Variants in ITPR1 observed in about 807,000 individuals in gnomAD.
The protein encoded by ITPR1 is inositol 1,4,5-trisphosphate-gated calcium channel ITPR1.
In ITPR1, 96 loss-of-function variants were observed where a neutral mutation model predicts 318.4. That is an observed-to-expected ratio of 0.30 (90% CI 0.26 to 0.36). ITPR1 has a LOEUF of 0.36. Among genes scored for constraint, ITPR1 ranks in the 10% least tolerant of loss-of-function variants. The probability of loss-of-function intolerance (pLI) is 1.00; values close to 1 mark genes in which losing one functional copy is unlikely to be tolerated. For synonymous variants in ITPR1, 1,312 were observed against 1,289.9 expected (o/e 1.02, Z -0.37); for missense variants, 2,440 against 3,460.2 (o/e 0.71, Z 7.40).
intron 2 of ITPR1, among the ~76,000 whole-genome samples, chr3:4,506,003 A>T (rs750114294): frequency 6.6e-6 from 1 of 152,254 alleles, no homozygotes; most frequent in African/African-American, 2.4e-5. Context: ...AAGTAGAATT[A>T]TAACAGCCAA....
chr3:4,574,765 A>G (rs1176362608), intron 4 of ITPR1, among the ~76,000 whole-genome samples: 3 of 152,256 alleles, frequency 2.0e-5, no homozygotes, highest in Non-Finnish European at 4.4e-5. Flanking sequence ...TGATAATGTC[A>G]TGGGATTGGA....
intron 61 of ITPR1, among the ~76,000 whole-genome samples, chr3:4,839,123 T>A (rs1317051721): frequency 6.6e-6 from 1 of 152,002 alleles, no homozygotes; most frequent in African/African-American, 2.4e-5. Flanking sequence ...AGGTCAGGAG[T>A]TCGAGACCAG....
chr3:4,591,384 C>A (rs758291944), intron 4 of ITPR1, among the ~76,000 whole-genome samples: 38 of 152,162 alleles, frequency 2.5e-4, no homozygotes, highest in Non-Finnish European at 4.1e-4. Context: ...ACGTTGCCAG[C>A]ATCTGTTGTT....
chr3:4,529,429 G>A (rs988719422), intron 4 of ITPR1, among the ~76,000 whole-genome samples: 5 of 152,210 alleles, frequency 3.3e-5, no homozygotes, highest in African/African-American at 1.2e-4. Context: ...TGGTTCTCCT[G>A]AAAGCAGTAT....
chr3:4,830,092 G>C lies in ITPR1; in HGVS notation c.8029-6682G>C, dbSNP rs958570866. ...GGGTTCAAGCGATTCTCCTGCCTCA[G>C]CCTCCTGGGTAGCTGGGATTACAGG... On this transcript the variant is annotated intron_variant, in intron 60 of 61. Coordinates refer to ENST00000649015, the MANE Select transcript of ITPR1 (RefSeq NM_001378452.1). Among the ~76,000 whole-genome samples the C allele has an allele frequency of 2.7e-5, 4 of 149,162 alleles. No individual in the cohort carries two copies. In the Admixed American group the frequency reaches 2.7e-4, roughly 10 times the overall value.
At chr3:4,703,051 T>C in intron 36 of ITPR1, 101 bp downstream of exon 36, 7 of 1,326,450 alleles carry the variant, frequency 5.3e-6, no homozygotes, top group Non-Finnish European at 7.2e-6. Context: ...CTTCTAAAGT[T>C]ACACAGACAG....
chr3:4,744,237 T>C (rs2043917695), intron 44 of ITPR1, among the ~76,000 whole-genome samples: 1 of 152,220 alleles, frequency 6.6e-6, no homozygotes, highest in Non-Finnish European at 1.5e-5. Context: ...AGAGAAGACC[T>C]GGAAATTTTT....
chr3:4,743,555 A>G (rs538406512), intron 44 of ITPR1, among the ~76,000 whole-genome samples: 2 of 152,330 alleles, frequency 1.3e-5, no homozygotes, highest in Admixed American at 1.3e-4. Flanking sequence ...TGGTGATAAG[A>G]GGCACAATCC....
intron 26 of ITPR1, 99 bp from the exon 27 acceptor site, chr3:4,683,287 T>G: frequency 5.2e-6 from 6 of 1,143,400 alleles, no homozygotes; most frequent in South Asian, 2.5e-5. Context: ...GAGATCACAG[T>G]GCTAGAAATG....
intron 4 of ITPR1, among the ~76,000 whole-genome samples, 178 bp from the exon 5 acceptor site, chr3:4,627,585 G>A (rs901758981): frequency 2.0e-5 from 3 of 152,186 alleles, no homozygotes; most frequent in Non-Finnish European, 2.9e-5. Context: ...TGGTTTCCTC[G>A]GCGGTGGTGG....
rs375025757 is a variant in ITPR1 at position 4,684,297 on chromosome 3, C to G, written c.3515C>G (p.Pro1172Arg). Residue 1172 changes from proline (P) to arginine (R), a missense_variant, in exon 29 of 62, where the codon CCA (proline) becomes CGA (arginine). This residue lies in a region of ITPR1 where 86 missense variants were observed against 75.6 expected (regional missense o/e 1.14). Transcript: ENST00000649015. ...GGTTTCTAGGAGGGAAATAACAAGCCACAAAAGCATGAAAGCACCAGCAGC... is the reference window on the plus strand; with the variant it reads ...GGTTTCTAGGAGGGAAATAACAAGCGACAAAAGCATGAAAGCACCAGCAGC... The part of the protein sequence containing the change: ...HKKTEEGNNK[P>R]QKHESTSSYN... 3.5e-5 allele frequency: 56 copies of G among 1,612,300 alleles called. No individual in the cohort carries two copies. The highest frequency in any genetic ancestry group is 4.5e-5 in the Non-Finnish European group (53 of 1,178,930).
rs151263226 is a variant in ITPR1, at chr3:4,556,351, G to A, written c.163+35257G>A. 2.1e-4 allele frequency among the ~76,000 whole-genome samples: 32 copies of A among 152,214 alleles called. No individual in the cohort carries two copies. The East Asian group carries it at 3.3e-3, about 16-fold the overall frequency. On this transcript the variant is annotated intron_variant, in intron 4 of 61. Transcript: ENST00000649015. ...ATCATTTACGTTAAGGTTCATTCTC[G>A]AAGTCATACATTTTACAGATTTGGA...
At chr3:4,715,431 G>C (rs1157594333) in intron 39 of ITPR1, among the ~76,000 whole-genome samples, 2 of 152,208 alleles carry the variant, frequency 1.3e-5, no homozygotes, top group Non-Finnish European at 2.9e-5. Context: ...CATTTACAAA[G>C]TGTGATTGTC....
rs17041505 is a variant in ITPR1, at chr3:4,833,342, T to C, written c.8029-3432T>C. On this transcript the variant is annotated intron_variant, in intron 60 of 61. Transcript: ENST00000649015. ...TTTCGGCTATGTGCAGACTCTTGCATTGGTTTTCTGGAGTCTTTCGAAGGC... is the reference window on the plus strand; with the variant it reads ...TTTCGGCTATGTGCAGACTCTTGCACTGGTTTTCTGGAGTCTTTCGAAGGC... 7.4e-3 allele frequency among the ~76,000 whole-genome samples: 1,132 copies of C among 152,324 alleles called. 13 individuals are homozygous for C. Among genetic ancestry groups the C allele is most frequent in the African/African-American group, 0.025 (1,057 of 41,568 alleles).
chr3:4,727,147 C>A lies in ITPR1; in HGVS notation c.5194C>A (p.Leu1732Met), dbSNP rs370179124. Residue 1732 changes from leucine (L) to methionine (M), a missense_variant, in exon 42 of 62, where the codon CTG (leucine) becomes ATG (methionine). Leu to Met is a conservative substitution (Grantham distance 15). Transcript: ENST00000649015. ...ATEELEPSPPLRQLEDHKRGE... is the reference protein window; with the variant it reads ...ATEELEPSPPMRQLEDHKRGE... ...GCAGGAGCTTGAACCAAGTCCACCC[C>A]TGCGGCAGCTGGAAGACCATAAAAG... is the stretch of plus-strand genomic sequence containing the variant. 2.9e-5 allele frequency: 47 copies of A among 1,597,778 alleles called. No individual in the cohort carries two copies. Among genetic ancestry groups the A allele is most frequent in the Non-Finnish European group, 3.6e-5 (43 of 1,178,764 alleles).
intron 4 of ITPR1, among the ~76,000 whole-genome samples, chr3:4,613,872 C>T (rs893567048): frequency 1.3e-5 from 2 of 152,106 alleles, no homozygotes; most frequent in Non-Finnish European, 2.9e-5. Context: ...TGGAATTTTG[C>T]ATATGTGCAT....
intron 53 of ITPR1, among the ~76,000 whole-genome samples, chr3:4,796,610 G>A (rs192686050): frequency 9.9e-4 from 151 of 152,160 alleles, no homozygotes; most frequent in African/African-American, 3.2e-3. Flanking sequence ...TTTATTATTC[G>A]CCACGTCTGT....
intron 44 of ITPR1, among the ~76,000 whole-genome samples, chr3:4,740,370 A>C (rs1408044800): frequency 1.3e-5 from 2 of 152,206 alleles, no homozygotes; most frequent in Admixed American, 6.5e-5. Context: ...TGGATGTTGT[A>C]AGAAAATTCA....
chr3:4,588,810 G>A (rs762396813), intron 4 of ITPR1, among the ~76,000 whole-genome samples: 1 of 151,852 alleles, frequency 6.6e-6, no homozygotes, highest in Non-Finnish European at 1.5e-5. Context: ...CTTCCCCATC[G>A]TGATGTATAG....
Sources: gnomAD v4.1 joint callset for allele counts (sites outside exome capture counted in the v4.1 genomes callset) on GRCh38, gnomAD v4.1.1 for gene constraint, gnomAD v4.1.1 regional missense constraint, MANE v1.5 for transcripts, NCBI Gene and HGNC (gene_info 2026-07-23, HGNC 2026-07-21) for gene names.